Variants in GPC5 observed in about 807,000 individuals in gnomAD.
The protein encoded by GPC5 is glypican-5.
In GPC5, 47 loss-of-function variants were observed where a neutral mutation model predicts 53.9. The ratio of observed to expected loss-of-function variants is 0.87; its 90% CI spans 0.69 to 1.11. The LOEUF is 1.11. Ranked by LOEUF, GPC5 falls within the 50% of genes most tolerant of loss-of-function variation. The probability of loss-of-function intolerance (pLI) is 0.00; values close to 1 mark genes in which losing one functional copy is unlikely to be tolerated. For synonymous variants in GPC5, 286 were observed against 263.3 expected (o/e 1.09, Z -0.84); for missense variants, 748 against 713.1 (o/e 1.05, Z -0.56).
At chr13:91,547,780 A>G (rs2030380879) in intron 2 of GPC5, among the ~76,000 whole-genome samples, 1 of 152,148 alleles carries the variant, frequency 6.6e-6, no homozygotes, top group South Asian at 2.1e-4. Flanking sequence ...ATATACTCTA[A>G]CCAAGTGGGA....
chr13:92,359,480 T>C (rs909626596), intron 7 of GPC5, among the ~76,000 whole-genome samples: 1 of 151,674 alleles, frequency 6.6e-6, no homozygotes, highest in African/African-American at 2.4e-5. Context: ...CAAACGTGCA[T>C]CCACATTTTC....
At chr13:91,779,722 C>T (rs2037768824) in intron 5 of GPC5, among the ~76,000 whole-genome samples, 1 of 152,024 alleles carries the variant, frequency 6.6e-6, no homozygotes, top group Non-Finnish European at 1.5e-5. Context: ...TTATCCTAGG[C>T]CTACAGGGTC....
chr13:92,441,628 G>A (rs1447007172), intron 7 of GPC5, among the ~76,000 whole-genome samples: 1 of 152,118 alleles, frequency 6.6e-6, no homozygotes, highest in Non-Finnish European at 1.5e-5. Flanking sequence ...AGCTAACCAA[G>A]GAGGGGAAAG....
intron 7 of GPC5, among the ~76,000 whole-genome samples, chr13:92,259,351 G>A (rs1435655682): frequency 6.6e-6 from 1 of 152,140 alleles, no homozygotes; most frequent in Non-Finnish European, 1.5e-5. Flanking sequence ...TTTTGAATAA[G>A]CAAGATGCAT....
intron 7 of GPC5, among the ~76,000 whole-genome samples, chr13:92,165,819 T>G (rs2042023365): frequency 6.6e-6 from 1 of 152,236 alleles, no homozygotes; most frequent in Non-Finnish European, 1.5e-5. Flanking sequence ...TATCCATGTA[T>G]TAACATATGT....
In GPC5 at chr13:91,513,902, C is replaced by G. The variant is rs554912864; in HGVS notation, c.325+64980C>G. On this transcript the variant is annotated intron_variant, in intron 2 of 7. Coordinates refer to ENST00000377067, the MANE Select transcript of GPC5 (RefSeq NM_004466.6). ...TTTGGGAATATTGTATGAATGGAAT[C>G]ATGTAGTATGTAACTTTTTAAAAAT... is the stretch of plus-strand genomic sequence containing the variant. Among the ~76,000 whole-genome samples, 9 of 152,296 alleles carry G rather than the reference C, an allele frequency of 5.9e-5. No homozygotes were observed. The South Asian group carries it at 1.7e-3, about 28-fold the overall frequency.
chr13:92,001,677 T>C (rs925318481), intron 6 of GPC5, among the ~76,000 whole-genome samples: 1 of 152,242 alleles, frequency 6.6e-6, no homozygotes, highest in Non-Finnish European at 1.5e-5. Flanking sequence ...ATGTAAAAAG[T>C]ATTGTAAAAG....
At chr13:92,575,200 T>C (rs1250007373) in intron 7 of GPC5, among the ~76,000 whole-genome samples, 2 of 152,216 alleles carry the variant, frequency 1.3e-5, no homozygotes, top group Non-Finnish European at 2.9e-5. Flanking sequence ...TCTTGACTTC[T>C]GGTAACTGAA....
chr13:91,827,751 T>A (rs1314878806), intron 5 of GPC5, among the ~76,000 whole-genome samples: 1 of 152,128 alleles, frequency 6.6e-6, no homozygotes, highest in Non-Finnish European at 1.5e-5. Context: ...AAGTTTAGAA[T>A]GATATAATCA....
intron 7 of GPC5, among the ~76,000 whole-genome samples, chr13:92,658,682 G>A (rs1398058367): frequency 1.3e-5 from 2 of 152,132 alleles, no homozygotes; most frequent in East Asian, 3.9e-4. Flanking sequence ...AAAGAAGGAA[G>A]AGATAGGCAT....
chr13:92,438,530 C>A (rs1188383021), intron 7 of GPC5, among the ~76,000 whole-genome samples: 1 of 151,642 alleles, frequency 6.6e-6, no homozygotes, highest in Non-Finnish European at 1.5e-5. Flanking sequence ...AATGGGAAAA[C>A]CTTTAAAGCT....
intron 6 of GPC5, among the ~76,000 whole-genome samples, chr13:91,975,661 A>C (rs1362441412): frequency 1.3e-5 from 2 of 152,224 alleles, no homozygotes; most frequent in Admixed American, 6.5e-5. Flanking sequence ...GAACACTTTT[A>C]CACTGTTGGT....
At chr13:92,658,617 T>C (rs908308223) in intron 7 of GPC5, among the ~76,000 whole-genome samples, 6 of 152,202 alleles carry the variant, frequency 3.9e-5, no homozygotes, top group Non-Finnish European at 7.3e-5. Flanking sequence ...TGTTGTTGTT[T>C]CTGTTGTTTC....
At chr13:91,984,207 A>G (rs1264830461) in intron 6 of GPC5, among the ~76,000 whole-genome samples, 3 of 152,194 alleles carry the variant, frequency 2.0e-5, no homozygotes, top group Non-Finnish European at 4.4e-5. Flanking sequence ...TGTTGTTATT[A>G]CTATTCCATT....
chr13:92,496,505 G>C (rs1406102121), intron 7 of GPC5, among the ~76,000 whole-genome samples: 1 of 152,010 alleles, frequency 6.6e-6, no homozygotes, highest in Non-Finnish European at 1.5e-5. Context: ...GCCTGCCCTG[G>C]GTACCTCCAT....
At position 91,692,103 on chromosome 13, in the gene GPC5, C is replaced by T. The variant is rs541924793; in HGVS notation, c.326-1084C>T. Reference sequence around the variant, plus strand: ...TTTTTAGATTTTCTCCCTTAATTTACGGGTAAATTATTCTTGGTTCTTTTT... The same window carrying T: ...TTTTTAGATTTTCTCCCTTAATTTATGGGTAAATTATTCTTGGTTCTTTTT... On this transcript the variant is annotated intron_variant, in intron 2 of 7. Coordinates refer to ENST00000377067, the MANE Select transcript of GPC5 (RefSeq NM_004466.6). 2.0e-3 allele frequency among the ~76,000 whole-genome samples: 299 copies of T among 152,056 alleles called. 1 individual carries two copies. The highest frequency in any genetic ancestry group is 6.9e-3 in the African/African-American group (286 of 41,456).
At chr13:92,359,904 C>T (rs555650464) in intron 7 of GPC5, among the ~76,000 whole-genome samples, 1 of 151,610 alleles carries the variant, frequency 6.6e-6, no homozygotes, top group Non-Finnish European at 1.5e-5. Context: ...AAATTCAAAC[C>T]ATATCACTCA....
intron 6 of GPC5, among the ~76,000 whole-genome samples, chr13:91,963,448 G>C (rs764656386): frequency 7.9e-5 from 12 of 152,150 alleles, no homozygotes; most frequent in Non-Finnish European, 1.5e-4. Flanking sequence ...AGCACATTTA[G>C]TGAACATTTG....
intron 7 of GPC5, among the ~76,000 whole-genome samples, chr13:92,312,724 TTGTC>T (rs1306951384): frequency 2.3e-4 from 35 of 152,160 alleles, no homozygotes; most frequent in Non-Finnish European, 2.9e-4. Context: ...AAAAAAAGAA[TTGTC>T]TGTGAGTGTA....
Sources: allele counts gnomAD v4.1 joint callset (sites outside exome capture counted in the v4.1 genomes callset), GRCh38; gene constraint gnomAD v4.1.1; transcripts MANE v1.5; gene names NCBI Gene and HGNC (gene_info 2026-07-23, HGNC 2026-07-21).